Variants in ATP7B observed in about 807,000 individuals in gnomAD.
The protein encoded by ATP7B is ATPase copper transporting beta.
Under a neutral mutation model 118.9 loss-of-function variants are expected in ATP7B, and 113 were observed. That is an observed-to-expected ratio of 0.95 (90% CI 0.82 to 1.11). ATP7B has a LOEUF of 1.11. Among genes scored for constraint, ATP7B ranks in the 50% most tolerant of loss-of-function variants. The pLI, the probability that ATP7B is intolerant of heterozygous loss-of-function variation, is 0.00. For synonymous variants in ATP7B, 777 were observed against 727.4 expected, an observed-to-expected ratio of 1.07 and a Z score of -1.10; for missense variants, 1,867 against 1,871.4, an observed-to-expected ratio of 1.00 and a Z score of 0.04.
At chr13:51,960,514 T>C (rs903238334) in intron 6 of ATP7B, among the ~76,000 whole-genome samples, 192 bp from the exon 7 acceptor site, 6 of 152,156 alleles carry the variant, frequency 3.9e-5, no homozygotes, top group African/African-American at 1.4e-4. Context: ...TCTAGAGGTC[T>C]AAACATCACT....
At position 51,966,654 on chromosome 13, in the gene ATP7B, G is replaced by GT. The variant is rs1293334004; in HGVS notation, c.1708-1622dup. 8.2e-6 allele frequency: 9 copies of GT among 1,103,190 alleles called. No individual in the cohort carries two copies. In the Admixed American group the frequency reaches 9.1e-5, roughly 11 times the overall value. 68.3% of individuals were successfully genotyped at this position (1,103,190 alleles called of 1,614,324 possible). A position where few individuals can be genotyped will look rare whatever the true frequency, so the allele number is the denominator to read the frequency against. Reference sequence around the variant, plus strand: ...ACAATGCAACTATTGATACAGCATGGTTTTTTTAAAAAAAGAACACTACAG... The same window carrying GT: ...ACAATGCAACTATTGATACAGCATGGTTTTTTTTAAAAAAAGAACACTACAG... On this transcript the variant is annotated intron_variant, in intron 4 of 20. Coordinates refer to ENST00000242839, the MANE Select transcript of ATP7B (RefSeq NM_000053.4).
intron 1 of ATP7B, among the ~76,000 whole-genome samples, chr13:51,993,000 A>AAAAAAAAAAAAT (rs1952995586): frequency 6.6e-6 from 1 of 150,716 alleles, no homozygotes; most frequent in Non-Finnish European, 1.5e-5. Context: ...AAAAAAAAAA[A>AAAAAAAAAAAAT]AAGATAATAC....
chr13:52,002,832 T>G (rs1356624727), intron 1 of ATP7B, among the ~76,000 whole-genome samples: 1 of 152,188 alleles, frequency 6.6e-6, no homozygotes, highest in Non-Finnish European at 1.5e-5. Flanking sequence ...CTATCAAGTG[T>G]GCAATAGCAT....
At chr13:51,941,361 G>C (rs1566463571) in intron 15 of ATP7B, 137 bp from the exon 16 acceptor site, 2 of 1,013,706 alleles carry the variant, frequency 2.0e-6, no homozygotes, top group East Asian at 5.0e-5. Context: ...TCTTGTGACA[G>C]CATCCTTTAG....
At position 51,935,700 on chromosome 13, in the gene ATP7B, G is replaced by A. The variant is rs1956918164; in HGVS notation, c.4022-5C>T. 6.2e-7 allele frequency: 1 copy of A among 1,610,258 alleles called. No homozygotes were observed. Among genetic ancestry groups the A allele is most frequent in the East Asian group, 2.2e-5 (1 of 44,786 alleles). On this transcript the variant is annotated splice_region_variant and splice_polypyrimidine_tract_variant and intron_variant, in intron 19 of 20. Transcript: ENST00000242839. ...TGCCGATGGGCATGAAGACACCTGG[G>A]GAAGAAAGAACTCGCACTCACACCT...
chr13:51,941,311 C>G (rs1176973494), intron 15 of ATP7B, 87 bp from the exon 16 acceptor site: 5 of 1,519,428 alleles, frequency 3.3e-6, no homozygotes, highest in African/African-American at 1.4e-5. Context: ...AGCAAAATAT[C>G]CTTTTAACCA....
At chr13:51,986,424 T>C (rs1421917031) in intron 1 of ATP7B, among the ~76,000 whole-genome samples, 1 of 152,178 alleles carries the variant, frequency 6.6e-6, no homozygotes, top group African/African-American at 2.4e-5. Flanking sequence ...GAGTAATTAA[T>C]AGCCTACCAA....
intron 9 of ATP7B, among the ~76,000 whole-genome samples, chr13:51,954,986 A>AAGC (rs1410337115): frequency 1.3e-5 from 2 of 152,206 alleles, no homozygotes; most frequent in African/African-American, 4.8e-5. Context: ...CATGGAGACT[A>AAGC]AGCAGCAGCA....
intron 1 of ATP7B, among the ~76,000 whole-genome samples, chr13:52,007,455 C>T (rs940879547): frequency 6.6e-6 from 1 of 152,250 alleles, no homozygotes; most frequent in East Asian, 1.9e-4. Context: ...CTCCTTCCCT[C>T]TGCCACAGCC....
At position 51,950,419 on chromosome 13, in the gene ATP7B, T is replaced by C. The variant is rs747497144; in HGVS notation, c.2448-20A>G. On this transcript the variant is annotated intron_variant, in intron 9 of 20. Transcript: ENST00000242839. ...TCCTCCCTGCAACAAACGCCACTTA[T>C]CACTCACATGGCCACTCATTCGGTC... The C allele has an allele frequency of 2.5e-6, 4 of 1,613,526 alleles. No individual in the cohort carries two copies. The South Asian group carries it at 3.3e-5, about 13-fold the overall frequency.
chr13:51,953,867 A>G, intron 9 of ATP7B, among the ~76,000 whole-genome samples: 1 of 151,454 alleles, frequency 6.6e-6, no homozygotes. Context: ...AAAAAAAAAA[A>G]ACCAGAAAAT....
At chr13:51,937,879 T>C (rs1957067014) in intron 17 of ATP7B, among the ~76,000 whole-genome samples, 200 bp from the exon 18 acceptor site, 1 of 152,202 alleles carries the variant, frequency 6.6e-6, no homozygotes, top group Non-Finnish European at 1.5e-5. Context: ...GTTTAGGCCC[T>C]GTCCTTTTCT....
rs372516400 is a variant in ATP7B at position 51,974,955 on chromosome 13, T to G, written c.265A>C (p.Met89Leu). 2 of 1,614,194 alleles carry G rather than the reference T, an allele frequency of 1.2e-6. No individual in the cohort carries two copies. The highest frequency in any genetic ancestry group is 1.7e-6 in the Non-Finnish European group (2 of 1,180,026). The part of the protein sequence containing the change: ...RISNLKGIIS[M>L]KVSLEQGSAT... ...CTGCCTTGTTCCAGGGAAACCTTCA[T>G]GCTGATGATGCCTTTCAAATTGGAA... Residue 89 changes from methionine (M) to leucine (L), a missense_variant, in exon 2 of 21, where the codon ATG becomes CTG. Transcript: ENST00000242839.
At chr13:51,991,579 T>G (rs1190894268) in intron 1 of ATP7B, among the ~76,000 whole-genome samples, 1 of 152,120 alleles carries the variant, frequency 6.6e-6, no homozygotes, top group African/African-American at 2.4e-5. Flanking sequence ...TAAGCAGTTG[T>G]TTCTGGAAAC....
Position 51,961,906 on chromosome 13 carries a change from C to G in ATP7B, c.1877G>C (p.Gly626Ala), listed in dbSNP as rs587783299. 6.5e-5 allele frequency: 105 copies of G among 1,613,478 alleles called. No individual in the cohort carries two copies. The highest frequency in any genetic ancestry group is 6.9e-5 in the Non-Finnish European group (81 of 1,179,596). The change falls in exon 6 of 21, where the codon GGC becomes GCC. Residue 626 changes from glycine to alanine, a missense_variant. Transcript: ENST00000242839. ...RDIIKIIEEI[G>A]FHASLAQRNP... ...TCTCTGGGCCAGGGAAGCATGAAAG[C>G]CAATTTCCTTGTCATTAAAAAGAGA...
intron 8 of ATP7B, 51 bp downstream of exon 8, chr13:51,958,260 G>A: frequency 6.4e-7 from 1 of 1,570,446 alleles, no homozygotes; most frequent in Non-Finnish European, 8.8e-7. Flanking sequence ...GAGGAAGTGA[G>A]ATTTGTTTAC....
Position 51,968,304 on chromosome 13 carries a change from A to G in ATP7B, c.1707+140T>C, listed in dbSNP as rs1951667137. The G allele has an allele frequency of 4.6e-6, 6 of 1,294,272 alleles. No homozygotes were observed. In the East Asian group the frequency reaches 1.5e-4, roughly 32 times the overall value. The allele number at this position is 1,294,272 out of a possible 1,614,324, so 80.2% of individuals were successfully genotyped here. On this transcript the variant is annotated intron_variant, in intron 4 of 20. Transcript: ENST00000242839. ...AAGTCATTGTTGTCGGCTTCAAAGG[A>G]AAGTGAAACAAACAAAATACCCAAC...
At position 51,953,356 on chromosome 13, in the gene ATP7B, C is replaced by A. The variant is rs553803807; in HGVS notation, c.2448-2957G>T. ...AAGACCCCAAGAACTAAAGGTCAGA[C>A]CCTCCTCCAGCAGAACCTAATCACT... On this transcript the variant is annotated intron_variant, in intron 9 of 20. Transcript: ENST00000242839. Among the ~76,000 whole-genome samples, 6 of 152,296 alleles carry A rather than the reference C, an allele frequency of 3.9e-5. No individual in the cohort carries two copies. The East Asian group carries it at 9.6e-4, about 24-fold the overall frequency.
At chr13:51,968,219 T>C (rs1951661201) in intron 4 of ATP7B, among the ~76,000 whole-genome samples, 1 of 152,194 alleles carries the variant, frequency 6.6e-6, no homozygotes, top group Non-Finnish European at 1.5e-5. Context: ...ACACCCTGAA[T>C]ACTCTCAGTG....
Sources: gnomAD v4.1 joint callset for allele counts (sites outside exome capture counted in the v4.1 genomes callset) on GRCh38, gnomAD v4.1.1 for gene constraint, MANE v1.5 for transcripts, NCBI Gene and HGNC (gene_info 2026-07-23, HGNC 2026-07-21) for gene names.